Variants in GALNT13 observed in about 807,000 individuals in gnomAD.
GALNT13 encodes polypeptide N-acetylgalactosaminyltransferase 13.
GALNT13 carries 28 observed loss-of-function variants against 64.2 expected under a neutral mutation model. The ratio of observed to expected loss-of-function variants is 0.44; its 90% CI spans 0.32 to 0.60. The LOEUF (loss-of-function observed/expected upper bound fraction) is 0.60, where lower values mean the gene tolerates loss of function less well. GALNT13 is among the 20% of genes least tolerant of loss of function. The pLI is 0.05. For synonymous variants in GALNT13, 214 were observed against 224.6 expected (o/e 0.95, Z 0.42); for missense variants, 577 against 669.8 (o/e 0.86, Z 1.53).
chr2:153,246,372 C>A, the GALNT13 span, among the ~76,000 whole-genome samples: 1 of 151,992 alleles, frequency 6.6e-6, no homozygotes, highest in African/African-American at 2.4e-5. Context: ...GTGAAACAAA[C>A]GAAAAACTGT....
At chr2:154,278,000 A>G (rs1172565196) in intron 8 of GALNT13, among the ~76,000 whole-genome samples, 2 of 152,256 alleles carry the variant, frequency 1.3e-5, no homozygotes, top group Middle Eastern at 3.4e-3. Flanking sequence ...ACATTTTCCC[A>G]CTTACTTGCT....
At chr2:153,912,424 C>T (rs1439518189) in intron 2 of GALNT13, among the ~76,000 whole-genome samples, 1 of 152,162 alleles carries the variant, frequency 6.6e-6, no homozygotes, top group Non-Finnish European at 1.5e-5. Context: ...CATCTGACCT[C>T]AGTTAACAAC....
chr2:153,626,800 T>A, the GALNT13 span, among the ~76,000 whole-genome samples: 1 of 152,130 alleles, frequency 6.6e-6, no homozygotes, highest in Non-Finnish European at 1.5e-5. Flanking sequence ...AGAGACTCTA[T>A]GATGCCTGCA....
At chr2:154,202,514 A>T (rs1056343946) in intron 4 of GALNT13, among the ~76,000 whole-genome samples, 1 of 152,072 alleles carries the variant, frequency 6.6e-6, no homozygotes. Context: ...GCCATGGGCC[A>T]GGGAGCCAGG....
At chr2:153,944,910 A>G (rs1289902622) in intron 3 of GALNT13, among the ~76,000 whole-genome samples, 2 of 152,230 alleles carry the variant, frequency 1.3e-5, no homozygotes, top group Non-Finnish European at 1.5e-5. Flanking sequence ...TGAAAAGAAC[A>G]GTTGAGTGAA....
At chr2:154,318,403 A>G (rs1334337780) in intron 9 of GALNT13, among the ~76,000 whole-genome samples, 2 of 152,216 alleles carry the variant, frequency 1.3e-5, no homozygotes, top group African/African-American at 4.8e-5. Flanking sequence ...ATTAAACCAC[A>G]GGATGTGGTA....
At chr2:153,595,351 A>G in the GALNT13 span, among the ~76,000 whole-genome samples, 1 of 151,964 alleles carries the variant, frequency 6.6e-6, no homozygotes, top group African/African-American at 2.4e-5. Context: ...TGAAATGACC[A>G]AATTTAAATG....
intron 8 of GALNT13, among the ~76,000 whole-genome samples, chr2:154,289,992 C>T (rs1359116181): frequency 6.6e-6 from 1 of 152,198 alleles, no homozygotes; most frequent in Non-Finnish European, 1.5e-5. Context: ...GTCTAGGAGA[C>T]TCAGGAGTGC....
chr2:154,445,378 A>G (rs545971138), intron 12 of GALNT13, among the ~76,000 whole-genome samples: 1 of 152,088 alleles, frequency 6.6e-6, no homozygotes, highest in East Asian at 1.9e-4. Context: ...TACAAACATA[A>G]TTAACATCAT....
At chr2:154,170,031 C>T (rs1685266113) in intron 4 of GALNT13, among the ~76,000 whole-genome samples, 1 of 152,164 alleles carries the variant, frequency 6.6e-6, no homozygotes, top group Non-Finnish European at 1.5e-5. Context: ...AGCTCAAATT[C>T]TAAAAGTATT....
intron 9 of GALNT13, among the ~76,000 whole-genome samples, chr2:154,313,435 TATAC>T (rs764628904): frequency 0.11 from 2,284 of 20,074 alleles, 46 homozygotes; most frequent in Middle Eastern, 0.21. Flanking sequence ...TATATATATA[TATAC>T]ACACACACAC....
chr2:153,847,975 G>A, the GALNT13 span, among the ~76,000 whole-genome samples: 1 of 152,158 alleles, frequency 6.6e-6, no homozygotes, highest in Admixed American at 6.5e-5. Context: ...CAAGAGAGCT[G>A]GCTTATGGAA....
intron 9 of GALNT13, among the ~76,000 whole-genome samples, chr2:154,326,476 T>G (rs962760396): frequency 6.6e-6 from 1 of 152,260 alleles, no homozygotes; most frequent in South Asian, 2.1e-4. Context: ...CAAATTTAAC[T>G]GGGAATTCTG....
At chr2:153,719,734 A>C in the GALNT13 span, among the ~76,000 whole-genome samples, 3 of 152,016 alleles carry the variant, frequency 2.0e-5, no homozygotes, top group South Asian at 6.3e-4. Context: ...CTCCCACCCG[A>C]ATATTGCGCT....
At chr2:154,161,626 G>C (rs770625253) in intron 4 of GALNT13, among the ~76,000 whole-genome samples, 1 of 152,118 alleles carries the variant, frequency 6.6e-6, no homozygotes, top group Non-Finnish European at 1.5e-5. Flanking sequence ...GATGAAATCA[G>C]ACTTTTAAAT....
At chr2:153,827,107 G>A in the GALNT13 span, among the ~76,000 whole-genome samples, 1 of 151,972 alleles carries the variant, frequency 6.6e-6, no homozygotes, top group Non-Finnish European at 1.5e-5. Context: ...TTACAATCAT[G>A]GCGGAAGGCA....
chr2:153,632,055 C>T, the GALNT13 span, among the ~76,000 whole-genome samples: 106 of 152,198 alleles, frequency 7.0e-4, no homozygotes, highest in Admixed American at 1.6e-3. Flanking sequence ...CATCCTTTGT[C>T]CCTCTTAAGA....
chr2:153,306,481 C>T, the GALNT13 span, among the ~76,000 whole-genome samples: 1 of 152,220 alleles, frequency 6.6e-6, no homozygotes, highest in East Asian at 1.9e-4. Context: ...AAACATCTGT[C>T]CAATTTATTT....
At chr2:153,082,673 AATT>A in the GALNT13 span, among the ~76,000 whole-genome samples, 4 of 134,114 alleles carry the variant, frequency 3.0e-5, no homozygotes, top group African/African-American at 1.1e-4. Flanking sequence ...ACATATATAT[AATT>A]TATTAAATAA....
Sources: allele counts gnomAD v4.1 joint callset (sites outside exome capture counted in the v4.1 genomes callset), GRCh38; gene constraint gnomAD v4.1.1; transcripts MANE v1.5; gene names NCBI Gene and HGNC (gene_info 2026-07-23, HGNC 2026-07-21).